The following HIBADH variants were observed in gnomAD, a reference collection of about 807,000 sequenced individuals.
HIBADH encodes 3-hydroxyisobutyrate dehydrogenase.
In HIBADH, 25 loss-of-function variants were observed where a neutral mutation model predicts 36.1. The observed-to-expected ratio is 0.69, with a 90% CI of 0.50 to 0.97. The LOEUF (loss-of-function observed/expected upper bound fraction) is 0.97. Ranked by LOEUF, HIBADH falls within the 50% of genes least tolerant of loss-of-function variation. The probability of loss-of-function intolerance (pLI) is 0.00; values close to 1 mark genes in which losing one functional copy is unlikely to be tolerated. For synonymous variants in HIBADH, 160 were observed against 149.5 expected (o/e 1.07, Z -0.51); for missense variants, 421 against 418.0 (o/e 1.01, Z -0.06).
At chr7:27,551,622 T>C (rs2128185524) in intron 4 of HIBADH, among the ~76,000 whole-genome samples, 1 of 151,992 alleles carries the variant, frequency 6.6e-6, no homozygotes, top group East Asian at 1.9e-4. Flanking sequence ...TACTCCCAAG[T>C]TACAAATAAG....
At chr7:27,632,239 G>A (rs1007133748) in intron 3 of HIBADH, 97 bp downstream of exon 3, 12 of 820,060 alleles carry the variant, frequency 1.5e-5, no homozygotes, top group Non-Finnish European at 2.2e-5. Context: ...AGTATAGAAA[G>A]GTTTAACAAA....
At chr7:27,557,702 G>A (rs1784413265) in intron 4 of HIBADH, among the ~76,000 whole-genome samples, 1 of 152,134 alleles carries the variant, frequency 6.6e-6, no homozygotes, top group Non-Finnish European at 1.5e-5. Flanking sequence ...CCTCCATTAA[G>A]CTTCTTATAA....
At chr7:27,628,596 G>A (rs1050394177) in intron 4 of HIBADH, among the ~76,000 whole-genome samples, 1 of 151,912 alleles carries the variant, frequency 6.6e-6, no homozygotes, top group Non-Finnish European at 1.5e-5. Context: ...TTTCATTAGT[G>A]GGTCTTTTCT....
chr7:27,533,522 A>G (rs1049746509), intron 6 of HIBADH, among the ~76,000 whole-genome samples: 1 of 152,098 alleles, frequency 6.6e-6, no homozygotes, highest in Non-Finnish European at 1.5e-5. Context: ...GCAAGTTAGA[A>G]GTGTTTTGCA....
rs118002445 is a variant in HIBADH, at chr7:27,644,892, G to C, written c.252+4581C>G. On this transcript the variant is annotated intron_variant, in intron 2 of 7. Coordinates refer to ENST00000265395, the MANE Select transcript of HIBADH (RefSeq NM_152740.4). Reference sequence around the variant, plus strand: ...TCTCTATATAGACTTCCTTATTCTGGACTTTCAGGAAAAGTCTATAGTATG... The same window carrying C: ...TCTCTATATAGACTTCCTTATTCTGCACTTTCAGGAAAAGTCTATAGTATG... Among the ~76,000 whole-genome samples, 1,040 of 152,174 alleles carry C rather than the reference G, an allele frequency of 6.8e-3. 9 individuals carry two copies. Among genetic ancestry groups the C allele is most frequent in the Non-Finnish European group, 0.01 (700 of 68,000 alleles).
chr7:27,641,313 T>C (rs1023974466), intron 2 of HIBADH, among the ~76,000 whole-genome samples: 1 of 152,232 alleles, frequency 6.6e-6, no homozygotes, highest in African/African-American at 2.4e-5. Context: ...CCAGCATTTC[T>C]GCAATCTTGG....
In HIBADH at chr7:27,662,685, G is replaced by T. The variant is rs372096049; in HGVS notation, c.91+13C>A. The T allele has an allele frequency of 1.5e-6, 2 of 1,307,244 alleles. No individual in the cohort carries two copies. The highest frequency in any genetic ancestry group is 2.0e-6 in the Non-Finnish European group (2 of 1,016,716). The allele number at this position is 1,307,244 out of a possible 1,614,324, so 81.0% of individuals were successfully genotyped here. ...GAAAGAAGGACAAGGGGGAGGAGGC[G>T]TGAGGTCCTTACCCGCTGCAAAGCT... On this transcript the variant is annotated intron_variant, in intron 1 of 7. Coordinates refer to ENST00000265395, the MANE Select transcript of HIBADH (RefSeq NM_152740.4).
intron 4 of HIBADH, among the ~76,000 whole-genome samples, chr7:27,610,184 T>A (rs1342872299): frequency 6.6e-6 from 1 of 152,156 alleles, no homozygotes; most frequent in African/African-American, 2.4e-5. Context: ...TGGAGATGAA[T>A]TATTTTACCA....
chr7:27,658,546 T>C lies in HIBADH; in HGVS notation c.91+4152A>G, dbSNP rs1376709093. On this transcript the variant is annotated intron_variant, in intron 1 of 7. Transcript: ENST00000265395. ...AAGCAGGTTTCACTAAGTGTCAAAA[T>C]GCAAAAATTGGTAACAAGTTAATTA... 3.3e-5 allele frequency among the ~76,000 whole-genome samples: 5 copies of C among 152,188 alleles called. No homozygotes were observed. In the East Asian group the frequency reaches 9.6e-4, roughly 29 times the overall value.
chr7:27,660,469 C>T (rs925591746), intron 1 of HIBADH, among the ~76,000 whole-genome samples: 1 of 152,216 alleles, frequency 6.6e-6, no homozygotes, highest in African/African-American at 2.4e-5. Flanking sequence ...AGAGACCATC[C>T]TGGCTAACAT....
At chr7:27,548,599 T>C (rs980429628) in intron 4 of HIBADH, among the ~76,000 whole-genome samples, 6 of 152,152 alleles carry the variant, frequency 3.9e-5, no homozygotes, top group Admixed American at 1.3e-4. Flanking sequence ...GTAAACATAT[T>C]TGCTGAATCA....
intron 4 of HIBADH, among the ~76,000 whole-genome samples, chr7:27,588,701 T>C (rs1784899005): frequency 6.6e-6 from 1 of 152,212 alleles, no homozygotes; most frequent in Admixed American, 6.5e-5. Flanking sequence ...ACTAACTCTA[T>C]AATTTTGCTT....
intron 4 of HIBADH, among the ~76,000 whole-genome samples, chr7:27,623,949 C>T (rs919518816): frequency 3.3e-4 from 50 of 152,154 alleles, no homozygotes; most frequent in African/African-American, 1.2e-3. Context: ...AGGCGCATGC[C>T]ACCGTGGCCA....
rs150527720 is a variant in HIBADH, at chr7:27,529,181, T to C, written c.852+2011A>G. Among the ~76,000 whole-genome samples, 406 of 152,320 alleles carry C rather than the reference T, an allele frequency of 2.7e-3. 2 individuals carry two copies. The highest frequency in any genetic ancestry group is 9.2e-3 in the African/African-American group (384 of 41,566). On this transcript the variant is annotated intron_variant, in intron 7 of 7. Coordinates refer to ENST00000265395, the MANE Select transcript of HIBADH (RefSeq NM_152740.4). ...ACACGTGGTCACCCAAGAGTGCTGA[T>C]GGAGATGTACAGGGAGATTAATGTT...
chr7:27,578,305 A>C (rs900651891), intron 4 of HIBADH, among the ~76,000 whole-genome samples: 1 of 143,626 alleles, frequency 7.0e-6, no homozygotes, highest in Admixed American at 7.2e-5. Flanking sequence ...TTTTGGTTCT[A>C]AAGTTCAATG....
chr7:27,615,615 T>C (rs1785411565), intron 4 of HIBADH, among the ~76,000 whole-genome samples: 1 of 152,218 alleles, frequency 6.6e-6, no homozygotes, highest in South Asian at 2.1e-4. Context: ...GCATTATTCA[T>C]GTTTGTGGTG....
intron 4 of HIBADH, among the ~76,000 whole-genome samples, chr7:27,620,483 C>T (rs1177765142): frequency 2.0e-5 from 3 of 151,456 alleles, no homozygotes; most frequent in African/African-American, 7.3e-5. Context: ...AAAACAACAA[C>T]AACAACAAAA....
chr7:27,533,249 C>CCTAA (rs1784027272), intron 6 of HIBADH, among the ~76,000 whole-genome samples: 1 of 152,096 alleles, frequency 6.6e-6, no homozygotes. Context: ...AGCTAATTAT[C>CCTAA]CTAACTTTGT....
intron 4 of HIBADH, among the ~76,000 whole-genome samples, chr7:27,574,659 A>C (rs945636834): frequency 1.3e-5 from 2 of 152,164 alleles, no homozygotes; most frequent in Admixed American, 6.5e-5. Flanking sequence ...ATAATAATGA[A>C]ATTTACATAC....
Sources: allele counts gnomAD v4.1 joint callset (sites outside exome capture counted in the v4.1 genomes callset), GRCh38; gene constraint gnomAD v4.1.1; transcripts MANE v1.5; gene names NCBI Gene and HGNC (gene_info 2026-07-23, HGNC 2026-07-21).